Variants in SLC24A2 observed in about 807,000 individuals in gnomAD.
SLC24A2 encodes sodium/potassium/calcium exchanger 2.
A neutral mutation model predicts 62.0 loss-of-function variants in SLC24A2; 36 were observed. That is an observed-to-expected ratio of 0.58 (90% CI 0.44 to 0.77). The LOEUF is 0.77. Among genes scored for constraint, SLC24A2 ranks in the 30% least tolerant of loss-of-function variants. The pLI, the probability that SLC24A2 is intolerant of heterozygous loss-of-function variation, is 0.00. For synonymous variants in SLC24A2, 358 were observed against 294.0 expected (o/e 1.22, Z -2.23); for missense variants, 846 against 817.9 (o/e 1.03, Z -0.42).
chr9:20,146,961 C>T, the SLC24A2 span, among the ~76,000 whole-genome samples: 2 of 152,230 alleles, frequency 1.3e-5, no homozygotes, highest in Non-Finnish European at 1.5e-5. Context: ...ACTCCACTGT[C>T]TCCACTCTTG....
the SLC24A2 span, among the ~76,000 whole-genome samples, chr9:20,023,800 C>T: frequency 6.6e-6 from 1 of 152,176 alleles, no homozygotes; most frequent in Non-Finnish European, 1.5e-5. Flanking sequence ...AACAATCACT[C>T]CTCCTGCCCC....
chr9:19,556,934 C>A (rs1047548342), intron 7 of SLC24A2, among the ~76,000 whole-genome samples: 3 of 152,158 alleles, frequency 2.0e-5, no homozygotes, highest in African/African-American at 7.2e-5. Flanking sequence ...TAGATCACAA[C>A]AGACAAGCTG....
the SLC24A2 span, among the ~76,000 whole-genome samples, chr9:19,973,934 GTAA>G: frequency 1.3e-5 from 2 of 152,124 alleles, no homozygotes; most frequent in Non-Finnish European, 2.9e-5. Context: ...TAGAAAAAGT[GTAA>G]TAAGTTAGGA....
chr9:19,695,211 G>T (rs1820153031), intron 2 of SLC24A2, among the ~76,000 whole-genome samples: 2 of 151,978 alleles, frequency 1.3e-5, no homozygotes, highest in Admixed American at 6.6e-5. Flanking sequence ...CAACAAAACA[G>T]CCCTCACAAC....
At chr9:19,645,928 A>C (rs1035413161) in intron 2 of SLC24A2, among the ~76,000 whole-genome samples, 6 of 152,230 alleles carry the variant, frequency 3.9e-5, no homozygotes, top group Admixed American at 6.5e-5. Flanking sequence ...CAGATGATTC[A>C]ATCAGTGTCT....
chr9:19,907,975 A>G, the SLC24A2 span, among the ~76,000 whole-genome samples: 2 of 152,164 alleles, frequency 1.3e-5, no homozygotes, highest in Non-Finnish European at 2.9e-5. Flanking sequence ...ACAGAATTGG[A>G]AAAAACTACT....
the SLC24A2 span, among the ~76,000 whole-genome samples, chr9:20,125,869 A>C: frequency 6.6e-6 from 1 of 152,158 alleles, no homozygotes; most frequent in African/African-American, 2.4e-5. Flanking sequence ...GCTGAGTTCA[A>C]TTACTCACAA....
the SLC24A2 span, among the ~76,000 whole-genome samples, chr9:20,106,872 T>C: frequency 3.3e-5 from 5 of 152,014 alleles, no homozygotes; most frequent in Non-Finnish European, 7.4e-5. Context: ...GAGAAGGAAA[T>C]AAAGGGTATT....
At chr9:20,270,457 T>C in the SLC24A2 span, among the ~76,000 whole-genome samples, 1 of 152,208 alleles carries the variant, frequency 6.6e-6, no homozygotes, top group East Asian at 1.9e-4. Context: ...CTCTCCATCC[T>C]TCTTCCTCCC....
At chr9:20,000,026 C>T in the SLC24A2 span, among the ~76,000 whole-genome samples, 1 of 152,072 alleles carries the variant, frequency 6.6e-6, no homozygotes, top group Non-Finnish European at 1.5e-5. Flanking sequence ...GTGCTGGAGT[C>T]TCAGTCTTTG....
At chr9:20,018,108 G>A in the SLC24A2 span, among the ~76,000 whole-genome samples, 28 of 152,142 alleles carry the variant, frequency 1.8e-4, no homozygotes, top group African/African-American at 5.8e-4. Flanking sequence ...CACCAGGCCC[G>A]GCTAATTTTT....
chr9:20,134,455 C>T, the SLC24A2 span, among the ~76,000 whole-genome samples: 1 of 152,052 alleles, frequency 6.6e-6, no homozygotes, highest in African/African-American at 2.4e-5. Flanking sequence ...AGTCTGAAGG[C>T]CTCACAGCAA....
chr9:20,205,642 C>T, the SLC24A2 span, among the ~76,000 whole-genome samples: 1 of 110,404 alleles, frequency 9.1e-6, no homozygotes, highest in African/African-American at 3.8e-5. Flanking sequence ...CAGAGTGAGA[C>T]TCCATCTAAA....
At chr9:19,692,085 C>T (rs992310173) in intron 2 of SLC24A2, among the ~76,000 whole-genome samples, 4 of 152,192 alleles carry the variant, frequency 2.6e-5, no homozygotes, top group Non-Finnish European at 4.4e-5. Flanking sequence ...AAGGAGTTCA[C>T]TGCATTAACC....
chr9:19,917,364 T>TC, the SLC24A2 span, among the ~76,000 whole-genome samples: 3 of 151,088 alleles, frequency 2.0e-5, no homozygotes, highest in Admixed American at 2.0e-4. Context: ...GTTTTTTTTT[T>TC]TTTGGCATTT....
rs1321206354 is a variant in SLC24A2 at position 19,573,468 on chromosome 9, T to A, written c.1230A>T (p.Glu410Asp). The change falls in exon 7 of 11, where the codon GAA becomes GAT. Residue 410 changes from glutamate (E) to aspartate (D), a missense_variant and splice_region_variant. Coordinates refer to ENST00000341998, the MANE Select transcript of SLC24A2 (RefSeq NM_020344.4). ...ERQNGAANHVEKIELPNSTST... is the reference protein window; with the variant it reads ...ERQNGAANHVDKIELPNSTST... ...TGGTGCTGTTTGGAAGCTCAATTTT[T>A]TCTGTGATATAATTTAAACACACAC... The A allele has an allele frequency of 1.3e-6, 2 of 1,560,692 alleles. No homozygotes were observed. Among genetic ancestry groups the A allele is most frequent in the Non-Finnish European group, 1.8e-6 (2 of 1,133,600 alleles).
chr9:20,106,389 C>T, the SLC24A2 span, among the ~76,000 whole-genome samples: 1 of 152,056 alleles, frequency 6.6e-6, no homozygotes, highest in Non-Finnish European at 1.5e-5. Context: ...GGCAGAGACA[C>T]AACCAAAAAA....
At chr9:19,657,362 TTC>T (rs1232479947) in intron 2 of SLC24A2, among the ~76,000 whole-genome samples, 3 of 152,186 alleles carry the variant, frequency 2.0e-5, no homozygotes, top group Non-Finnish European at 4.4e-5. Context: ...TCTCTGTGTA[TTC>T]TTTTTTTCAT....
the SLC24A2 span, among the ~76,000 whole-genome samples, chr9:20,159,891 A>G: frequency 1.3e-5 from 2 of 151,626 alleles, no homozygotes; most frequent in African/African-American, 4.8e-5. Flanking sequence ...TAAGCACAGT[A>G]GATATAGCAT....
Sources: gnomAD v4.1 joint callset for allele counts (sites outside exome capture counted in the v4.1 genomes callset) on GRCh38, gnomAD v4.1.1 for gene constraint, MANE v1.5 for transcripts, NCBI Gene and HGNC (gene_info 2026-07-23, HGNC 2026-07-21) for gene names.